ABRACL: variants seen among roughly 807,000 people sequenced by gnomAD.
The protein encoded by ABRACL is costars family protein ABRACL.
In ABRACL, 4 loss-of-function variants were observed where a neutral mutation model predicts 7.0. The ratio of observed to expected loss-of-function variants is 0.57; its 90% CI spans 0.28 to 1.30. ABRACL has a LOEUF of 1.30. Ranked by LOEUF, ABRACL falls within the 50% of genes most tolerant of loss-of-function variation. The probability of loss-of-function intolerance (pLI) is 0.10; values close to 1 mark genes in which losing one functional copy is unlikely to be tolerated. For synonymous variants in ABRACL, 30 were observed against 36.0 expected, an observed-to-expected ratio of 0.83 and a Z score of 0.60; for missense variants, 104 against 97.3, an observed-to-expected ratio of 1.07 and a Z score of -0.29.
intron 2 of ABRACL, among the ~76,000 whole-genome samples, chr6:139,036,627 A>G (rs1419781798): frequency 2.4e-4 from 37 of 152,184 alleles, no homozygotes; most frequent in Admixed American, 2.3e-3. Context: ...ACTGTGTAGT[A>G]CAAGTGGTAT....
chr6:139,034,673 T>C (rs1786128660), intron 2 of ABRACL: 1 of 260,608 alleles, frequency 3.8e-6, no homozygotes, highest in Non-Finnish European at 7.3e-6. Context: ...ATTGAAATTA[T>C]ACTAAATTAT....
chr6:139,031,670 A>G (rs866164693), intron 1 of ABRACL, among the ~76,000 whole-genome samples: 8 of 152,190 alleles, frequency 5.3e-5, no homozygotes, highest in African/African-American at 9.6e-5. Flanking sequence ...AACTAATATC[A>G]TAGAACCCAG....
intron 1 of ABRACL, among the ~76,000 whole-genome samples, chr6:139,031,216 A>T (rs899917764): frequency 6.6e-6 from 1 of 152,158 alleles, no homozygotes; most frequent in African/African-American, 2.4e-5. Context: ...ATCATCCCTC[A>T]CAGATCCTTA....
rs556816051 is a variant in ABRACL, at chr6:139,040,144, C to A, written c.62-2575C>A. 7.2e-5 allele frequency among the ~76,000 whole-genome samples: 11 copies of A among 152,224 alleles called. No homozygotes were observed. In the East Asian group the frequency reaches 1.9e-3, roughly 27 times the overall value. On this transcript the variant is annotated intron_variant, in intron 2 of 2. Transcript: ENST00000367660. ...ATTAAAGTAGAAGAGTAACAATGAG[C>A]TTTGCATCTCATAAAGTTTCTTCCA...
chr6:139,031,018 G>A (rs1786075044), intron 1 of ABRACL, among the ~76,000 whole-genome samples: 1 of 152,294 alleles, frequency 6.6e-6, no homozygotes, highest in South Asian at 2.1e-4. Flanking sequence ...TTTCCCCTTT[G>A]ATGCTCATTA....
chr6:139,037,095 T>C (rs1431746611), intron 2 of ABRACL, among the ~76,000 whole-genome samples: 3 of 151,970 alleles, frequency 2.0e-5, no homozygotes, highest in Non-Finnish European at 2.9e-5. Context: ...AAATAGATTA[T>C]TGGAAGTTGT....
At chr6:139,032,694 A>G (rs1015180662) in intron 1 of ABRACL, among the ~76,000 whole-genome samples, 18 of 152,208 alleles carry the variant, frequency 1.2e-4, no homozygotes, top group Non-Finnish European at 1.5e-5. Context: ...AACCATACAC[A>G]CAACTCCCCC....
chr6:139,031,646 C>T (rs1184706488), intron 1 of ABRACL, among the ~76,000 whole-genome samples: 1 of 152,194 alleles, frequency 6.6e-6, no homozygotes, highest in Non-Finnish European at 1.5e-5. Context: ...TGGCCATTGA[C>T]ATCAGGGACT....
At chr6:139,038,272 C>G (rs921348521) in intron 2 of ABRACL, among the ~76,000 whole-genome samples, 3 of 152,238 alleles carry the variant, frequency 2.0e-5, no homozygotes, top group African/African-American at 7.2e-5. Flanking sequence ...TCAAAATTAG[C>G]AGCTTTCACA....
In ABRACL at chr6:139,043,049, T is replaced by G; in HGVS notation, c.*146T>G. The G allele has an allele frequency of 1.7e-6, 1 of 584,034 alleles. No homozygotes were observed. The allele number at this position is 584,034 out of a possible 1,614,324, so 36.2% of individuals were successfully genotyped here. On this transcript the variant is annotated 3_prime_UTR_variant, in exon 3 of 3. Transcript: ENST00000367660. The stretch of plus-strand genomic sequence containing the variant: ...AGATTCATGTTTTAGAAGTCTGTCC[T>G]TTTTTATATCTTGAAAGAAAATCTA...
rs763259131 is a variant in ABRACL, at chr6:139,034,204, A to T, written c.44A>T (p.His15Leu). Residue 15 changes from histidine (H) to leucine (L), a missense_variant, in exon 2 of 3, where the codon CAT becomes CTT. His to Leu is a moderately conservative substitution (Grantham distance 99). Transcript: ENST00000367660. ...GTTAACCTCTTAGTGGAGGAAATTC[A>T]TCGTTTGGGTTCAAAAAGTAAGTAT... ...HEVNLLVEEI[H>L]RLGSKNADGK... 6 of 1,614,092 alleles carry T rather than the reference A, an allele frequency of 3.7e-6. No homozygotes were observed. Among genetic ancestry groups the T allele is most frequent in the Non-Finnish European group, 5.1e-6 (6 of 1,180,052 alleles).
At chr6:139,033,485 A>C (rs570927722) in intron 1 of ABRACL, among the ~76,000 whole-genome samples, 44 of 152,296 alleles carry the variant, frequency 2.9e-4, no homozygotes, top group Non-Finnish European at 5.4e-4. Context: ...CAGGCTCCTG[A>C]AGGGCAGGGA....
chr6:139,042,297 C>A (rs947980911), intron 2 of ABRACL, among the ~76,000 whole-genome samples: 1 of 152,150 alleles, frequency 6.6e-6, no homozygotes, highest in South Asian at 2.1e-4. Context: ...AGGAGCCCCC[C>A]ACTCCCACCC....
At chr6:139,033,778 C>G (rs939533708) in intron 1 of ABRACL, among the ~76,000 whole-genome samples, 1 of 151,304 alleles carries the variant, frequency 6.6e-6, no homozygotes, top group African/African-American at 2.4e-5. Flanking sequence ...ATGTGAGATC[C>G]CCGAGGGCAG....
chr6:139,035,669 G>C (rs1378342095), intron 2 of ABRACL, among the ~76,000 whole-genome samples: 1 of 151,706 alleles, frequency 6.6e-6, no homozygotes, highest in Non-Finnish European at 1.5e-5. Flanking sequence ...TTTTAGTAGA[G>C]ATGGGGTTTC....
intron 2 of ABRACL, among the ~76,000 whole-genome samples, chr6:139,040,264 G>A (rs573758040): frequency 2.0e-5 from 3 of 152,308 alleles, no homozygotes; most frequent in East Asian, 3.9e-4. Flanking sequence ...AGCTTGCAGT[G>A]ATGCATGTGA....
chr6:139,032,928 A>G (rs1006216256), intron 1 of ABRACL, among the ~76,000 whole-genome samples: 9 of 152,234 alleles, frequency 5.9e-5, no homozygotes, highest in Non-Finnish European at 4.4e-5. Flanking sequence ...AGATCCCTGC[A>G]GAGGGGAGCT....
Position 139,040,107 on chromosome 6 carries a change from A to G in ABRACL, c.62-2612A>G, listed in dbSNP as rs375971942. On this transcript the variant is annotated intron_variant, in intron 2 of 2. Coordinates refer to ENST00000367660, the MANE Select transcript of ABRACL (RefSeq NM_021243.3). Reference sequence around the variant, plus strand: ...ACCCTGTCTCAAAAAAAGAAAAAAGAACCAAAGAGGGATTAAAGTAGAAGA... The same window carrying G: ...ACCCTGTCTCAAAAAAAGAAAAAAGGACCAAAGAGGGATTAAAGTAGAAGA... 1.5e-3 allele frequency among the ~76,000 whole-genome samples: 225 copies of G among 152,260 alleles called. 1 individual carries two copies. The highest frequency in any genetic ancestry group is 3.4e-3 in the Middle Eastern group (1 of 294).
chr6:139,030,162 CT>C (rs199994653), intron 1 of ABRACL, among the ~76,000 whole-genome samples: 25 of 147,354 alleles, frequency 1.7e-4, no homozygotes, highest in East Asian at 7.9e-4. Context: ...TTGTTCTTTT[CT>C]TTTTTTTTTT....
Sources: gnomAD v4.1 joint callset for allele counts (sites outside exome capture counted in the v4.1 genomes callset) on GRCh38, gnomAD v4.1.1 for gene constraint, MANE v1.5 for transcripts, NCBI Gene and HGNC (gene_info 2026-07-23, HGNC 2026-07-21) for gene names.